ACP6: variants seen among roughly 807,000 people sequenced by gnomAD.
The protein encoded by ACP6 is acid phosphatase 6, lysophosphatidic, also known as lysophosphatidic acid phosphatase type 6.
ACP6 carries 48 observed loss-of-function variants against 48.1 expected under a neutral mutation model. The observed-to-expected ratio is 1.00, with a 90% confidence interval of 0.79 to 1.27. The LOEUF (loss-of-function observed/expected upper bound fraction) is 1.27. ACP6 is among the 50% of genes most tolerant of loss of function. The pLI is 0.00. For missense variants in ACP6, 485 were observed against 529.1 expected (o/e 0.92, Z 0.82); for synonymous variants, 172 against 204.2 (o/e 0.84, Z 1.34).
chr1:147,650,575 GGAA>G (rs1659869300), intron 7 of ACP6: 2 of 225,490 alleles, frequency 8.9e-6, no homozygotes, highest in East Asian at 1.9e-4. Context: ...TGACAAGCTG[GGAA>G]GAAGAAGGGG....
downstream of ACP6, among the ~76,000 whole-genome samples, chr1:147,639,616 A>C (rs181077061): frequency 5.3e-3 from 812 of 152,320 alleles, 5 homozygotes; most frequent in African/African-American, 0.018. Flanking sequence ...GGTAGCTCCC[A>C]GGCTGGGTCC....
At chr1:147,658,566 G>C (rs1211005707) in intron 4 of ACP6, among the ~76,000 whole-genome samples, 2 of 152,192 alleles carry the variant, frequency 1.3e-5, no homozygotes, top group Non-Finnish European at 2.9e-5. Flanking sequence ...TTCATGCTGT[G>C]GATTATCACC....
chr1:147,663,640 A>G (rs1270120377), intron 1 of ACP6, among the ~76,000 whole-genome samples: 2 of 151,950 alleles, frequency 1.3e-5, no homozygotes, highest in African/African-American at 4.8e-5. Flanking sequence ...GCAAGACCCC[A>G]TCTCTTAAAA....
chr1:147,659,595 A>C (rs3818888), intron 2 of ACP6, 52 bp downstream of exon 2: 182,756 of 1,613,486 alleles, frequency 0.11, 12,064 homozygotes, highest in East Asian at 0.33. Context: ...GCCCAGAGAA[A>C]ACAACCCAAC....
intron 5 of ACP6, among the ~76,000 whole-genome samples, chr1:147,635,857 T>C (rs1553207920): frequency 6.6e-6 from 1 of 152,146 alleles, no homozygotes; most frequent in South Asian, 2.1e-4. Context: ...ATTCACAGAA[T>C]AGGAAGAAAA....
intron 9 of ACP6, 157 bp downstream of exon 9, chr1:147,648,089 G>A (rs1377294416): frequency 2.5e-6 from 2 of 788,356 alleles, no homozygotes; most frequent in African/African-American, 1.7e-5. Context: ...CCTGACCCCT[G>A]GGCCATAGCC....
chr1:147,653,342 G>A (rs1258849535), intron 6 of ACP6, among the ~76,000 whole-genome samples: 5 of 151,734 alleles, frequency 3.3e-5, no homozygotes, highest in African/African-American at 9.7e-5. Flanking sequence ...TATTGGCCAG[G>A]CTGGTCTCGA....
At chr1:147,648,140 G>T in intron 9 of ACP6, 106 bp downstream of exon 9, 1 of 1,351,458 alleles carries the variant, frequency 7.4e-7, no homozygotes, top group Admixed American at 2.0e-5. Flanking sequence ...ACTGTGCCAA[G>T]AGAGACTCCA....
At chr1:147,659,283 T>C (rs587717729) in intron 3 of ACP6, 113 bp downstream of exon 3, 31 of 1,428,554 alleles carry the variant, frequency 2.2e-5, no homozygotes, top group South Asian at 6.8e-5. Flanking sequence ...GCATGACAAG[T>C]TGTCCCCCAA....
At chr1:147,632,674 T>G (rs1659201985) in intron 5 of ACP6, among the ~76,000 whole-genome samples, 1 of 152,082 alleles carries the variant, frequency 6.6e-6, no homozygotes, top group Non-Finnish European at 1.5e-5. Context: ...GAATTTCATC[T>G]TGATATGGGA....
intron 6 of ACP6, 84 bp downstream of exon 6, chr1:147,654,110 C>G (rs1660104015): frequency 1.2e-5 from 18 of 1,558,684 alleles, no homozygotes; most frequent in Non-Finnish European, 1.6e-5. Context: ...CAGGAGGCCT[C>G]CACCCACTTC....
At chr1:147,664,665 A>G (rs1347015075) in intron 1 of ACP6, among the ~76,000 whole-genome samples, 2 of 152,166 alleles carry the variant, frequency 1.3e-5, no homozygotes, top group Non-Finnish European at 2.9e-5. Context: ...TAGCTCCAAC[A>G]ATTTGCCAGC....
downstream of ACP6, among the ~76,000 whole-genome samples, chr1:147,641,483 G>A (rs1659451530): frequency 6.6e-6 from 1 of 152,202 alleles, no homozygotes; most frequent in Admixed American, 6.5e-5. Flanking sequence ...AGAGCTATCA[G>A]GGGAGCCGCA....
rs1553208956 is a variant in ACP6 at position 147,642,757 on chromosome 1, T to C, written c.*4666A>G. ...GTGAACAAGAGGAAATCTGCCTTCA[T>C]GGAGCTTCCATTTTAGTCAGGGAAA... On this transcript the variant is annotated 3_prime_UTR_variant, in exon 10 of 10. Transcript: ENST00000583509. 6.6e-6 allele frequency: 1 copy of C among 152,224 alleles called. No individual in the cohort carries two copies. Among genetic ancestry groups the C allele is most frequent in the African/African-American group, 2.4e-5 (1 of 41,446 alleles). 9.4% of individuals were successfully genotyped at this position (152,224 alleles called of 1,614,324 possible). A position where few individuals can be genotyped will look rare whatever the true frequency, so the allele number is the denominator to read the frequency against.
rs1475243774 is a variant in ACP6, at chr1:147,646,200, G to C, written c.*1223C>G. ...AGTATTGATAAAACTTAACTGATTA[G>C]ACATAGGAAAATGTGAGACAAAGAA... On this transcript the variant is annotated 3_prime_UTR_variant, in exon 10 of 10. Transcript: ENST00000583509. The C allele has an allele frequency of 1.3e-5, 2 of 152,214 alleles. No individual in the cohort carries two copies. The highest frequency in any genetic ancestry group is 2.9e-5 in the Non-Finnish European group (2 of 68,046). 9.4% of individuals were successfully genotyped at this position (152,214 alleles called of 1,614,324 possible).
intron 8 of ACP6, 82 bp downstream of exon 8, chr1:147,650,061 C>A: frequency 8.4e-7 from 1 of 1,193,014 alleles, no homozygotes; most frequent in Non-Finnish European, 1.2e-6. Flanking sequence ...GTTCTTGCCT[C>A]ACTAAGATTT....
At position 147,647,125 on chromosome 1, in the gene ACP6, T is replaced by A. The variant is rs1659657512; in HGVS notation, c.*298A>T. 3.2e-6 allele frequency: 1 copy of A among 313,366 alleles called. No homozygotes were observed. The highest frequency in any genetic ancestry group is 6.0e-6 in the Non-Finnish European group (1 of 165,858). 19.4% of individuals were successfully genotyped at this position (313,366 alleles called of 1,614,324 possible). A position where few individuals can be genotyped will look rare whatever the true frequency, so the allele number is the denominator to read the frequency against. On this transcript the variant is annotated 3_prime_UTR_variant, in exon 10 of 10. Coordinates refer to ENST00000583509, the MANE Select transcript of ACP6 (RefSeq NM_016361.5). ...TGAAATTAATATAGGAGAAAAGAAC[T>A]AAAGTCCAAAACCGACACAATTCTA...
chr1:147,664,278 C>T (rs782319111), intron 1 of ACP6, among the ~76,000 whole-genome samples: 2 of 152,122 alleles, frequency 1.3e-5, no homozygotes, highest in Non-Finnish European at 2.9e-5. Context: ...CTCATGTGGC[C>T]CCACCTCCTC....
In ACP6 at chr1:147,635,600, G is replaced by A. The variant is rs376585817; in HGVS notation, c.461-4535C>T. Among the ~76,000 whole-genome samples, 17 of 152,328 alleles carry A rather than the reference G, an allele frequency of 1.1e-4. No individual in the cohort carries two copies. The South Asian group carries it at 3.3e-3, about 30-fold the overall frequency. On this transcript the variant is annotated intron_variant, in intron 5 of 5. Coordinates refer to the ACP6 transcript ENST00000609196. ...AAGTTGGGGAGAAGTCCTTGTTGGG[G>A]TTGAGGGAGTGTTGAGTATGAAATG...
Sources: gnomAD v4.1 joint callset for allele counts (sites outside exome capture counted in the v4.1 genomes callset) on GRCh38, gnomAD v4.1.1 for gene constraint, MANE v1.5 for transcripts, NCBI Gene and HGNC (gene_info 2026-07-23, HGNC 2026-07-21) for gene names.